The following ITGA9 variants were observed in gnomAD, a reference collection of about 807,000 sequenced individuals.
ITGA9 encodes integrin subunit alpha 9.
A neutral mutation model predicts 127.8 loss-of-function variants in ITGA9; 56 were observed. The ratio of observed to expected loss-of-function variants is 0.44; its 90% confidence interval spans 0.35 to 0.55. ITGA9 has a LOEUF of 0.55. Among genes scored for constraint, ITGA9 ranks in the 20% least tolerant of loss-of-function variants. The pLI, the probability that ITGA9 is intolerant of heterozygous loss-of-function variation, is 0.00. For missense variants in ITGA9, 1,196 were observed against 1,347.1 expected, an observed-to-expected ratio of 0.89 and a Z score of 1.76; for synonymous variants, 508 against 514.5, an observed-to-expected ratio of 0.99 and a Z score of 0.17.
rs371459165 is a variant in ITGA9 at position 37,588,772 on chromosome 3, AC to A, written c.1690-40413del. On this transcript the variant is annotated intron_variant, in intron 15 of 27. Coordinates refer to ENST00000264741, the MANE Select transcript of ITGA9 (RefSeq NM_002207.3). Reference sequence around the variant, plus strand: ...GACTTCGGCGGAAGCCATATGACCCACCTCTGTCATTTTAGGGAGACTGAGC... The same window carrying A: ...GACTTCGGCGGAAGCCATATGACCCACTCTGTCATTTTAGGGAGACTGAGC... Among the ~76,000 whole-genome samples the A allele has an allele frequency of 1.4e-3, 206 of 152,204 alleles. 1 individual carries two copies. The highest frequency in any genetic ancestry group is 4.2e-3 in the African/African-American group (174 of 41,530).
In ITGA9 at chr3:37,585,795, G is replaced by GCCC. The variant is rs140414819; in HGVS notation, c.1689+43210_1689+43211insCCC. ...TGGTTTTCTTAAGCAGGAAGAAGGG[G>GCCC]GCCCCCCCAATTTTAATTTACTGAA... On this transcript the variant is annotated intron_variant, in intron 15 of 27. Coordinates refer to ENST00000264741, the MANE Select transcript of ITGA9 (RefSeq NM_002207.3). Among the ~76,000 whole-genome samples the GCCC allele has an allele frequency of 2.3e-3, 295 of 128,576 alleles. 2 individuals carry two copies. Among genetic ancestry groups the GCCC allele is most frequent in the East Asian group, 3.9e-3 (18 of 4,654 alleles). The allele number at this position is 128,576 out of a possible 152,430, so 84.4% of individuals were successfully genotyped here. A position where few individuals can be genotyped will look rare whatever the true frequency, so the allele number is the denominator to read the frequency against.
chr3:37,512,100 C>T (rs1698925609), intron 8 of ITGA9, among the ~76,000 whole-genome samples: 2 of 106,432 alleles, frequency 1.9e-5, no homozygotes, highest in Non-Finnish European at 3.7e-5. Context: ...TTCCTTCCTT[C>T]CTTCCTTCCT....
At chr3:37,760,534 C>A (rs1020054734) in intron 23 of ITGA9, among the ~76,000 whole-genome samples, 2 of 151,480 alleles carry the variant, frequency 1.3e-5, no homozygotes, top group East Asian at 3.9e-4. Flanking sequence ...GAAAAGAGGG[C>A]AGAAAAAAAA....
chr3:37,489,222 T>C (rs74628856), intron 4 of ITGA9, among the ~76,000 whole-genome samples: 8,327 of 152,368 alleles, frequency 0.055, 314 homozygotes, highest in African/African-American at 0.1. Flanking sequence ...CACATTTATC[T>C]ATTCATCTGT....
chr3:37,658,494 A>C (rs2125650069), intron 17 of ITGA9, among the ~76,000 whole-genome samples: 1 of 152,208 alleles, frequency 6.6e-6, no homozygotes, highest in South Asian at 2.1e-4. Context: ...TTTATCAGAG[A>C]CTAGGATTGC....
chr3:37,574,205 T>C (rs985762582), intron 15 of ITGA9, among the ~76,000 whole-genome samples: 2 of 152,242 alleles, frequency 1.3e-5, no homozygotes, highest in Non-Finnish European at 2.9e-5. Context: ...ATATTCTTCA[T>C]AGGGTAGATA....
At chr3:37,784,453 C>G (rs958516774) in intron 25 of ITGA9, among the ~76,000 whole-genome samples, 17 of 152,178 alleles carry the variant, frequency 1.1e-4, no homozygotes, top group Non-Finnish European at 2.2e-4. Context: ...ATCTCTCCAT[C>G]AGGCATCCTC....
At position 37,629,488 on chromosome 3, in the gene ITGA9, C is replaced by T; in HGVS notation, c.1839+152C>T. 2.5e-6 allele frequency: 2 copies of T among 787,230 alleles called. No individual in the cohort carries two copies. The highest frequency in any genetic ancestry group is 1.5e-5 in the South Asian group (1 of 68,258). The allele number at this position is 787,230 out of a possible 1,614,324, so 48.8% of individuals were successfully genotyped here. ...CTCTGGGTCTCCCTTTTCTGATCTG[C>T]AAAATGATAAAATAAACAGTCTTAG... On this transcript the variant is annotated intron_variant, in intron 16 of 27. Coordinates refer to ENST00000264741, the MANE Select transcript of ITGA9 (RefSeq NM_002207.3). The surrounding 1 kb of genome is among the most constrained non-coding windows in gnomAD (Gnocchi z 4.5).
intron 19 of ITGA9, among the ~76,000 whole-genome samples, chr3:37,734,124 C>T (rs17036844): frequency 0.022 from 3,424 of 152,310 alleles, 145 homozygotes; most frequent in African/African-American, 0.078. Context: ...CATGACTCCT[C>T]GGATTTTTTT....
At chr3:37,623,215 C>T (rs1268685343) in intron 15 of ITGA9, among the ~76,000 whole-genome samples, 3 of 152,212 alleles carry the variant, frequency 2.0e-5, no homozygotes, top group Non-Finnish European at 2.9e-5. Flanking sequence ...CTCACAGCCC[C>T]GTGCTGCTGT....
At chr3:37,601,908 G>C (rs1242840586) in intron 15 of ITGA9, among the ~76,000 whole-genome samples, 1 of 152,224 alleles carries the variant, frequency 6.6e-6, no homozygotes, top group Admixed American at 6.5e-5. Context: ...GCGTCAGGCT[G>C]ATTCTACTCA....
At chr3:37,640,165 G>T (rs1256520669) in intron 16 of ITGA9, among the ~76,000 whole-genome samples, 1 of 152,174 alleles carries the variant, frequency 6.6e-6, no homozygotes, top group Non-Finnish European at 1.5e-5. Flanking sequence ...TGGCAAAAGG[G>T]ACTTTGCAGT....
chr3:37,699,207 A>G (rs1013083972), intron 18 of ITGA9, among the ~76,000 whole-genome samples: 2 of 152,090 alleles, frequency 1.3e-5, no homozygotes, highest in African/African-American at 2.4e-5. Context: ...ACTTCATATC[A>G]TGGACATGCT....
chr3:37,454,983 TTAAG>T (rs1698240957), intron 1 of ITGA9, among the ~76,000 whole-genome samples: 1 of 152,230 alleles, frequency 6.6e-6, no homozygotes, highest in Non-Finnish European at 1.5e-5. Context: ...CTGCTGAAAC[TTAAG>T]CCAAAGGATT....
chr3:37,516,562 G>GA (rs1474263418), intron 9 of ITGA9, among the ~76,000 whole-genome samples: 1 of 152,202 alleles, frequency 6.6e-6, no homozygotes, highest in African/African-American at 2.4e-5. Flanking sequence ...CTGAAAGAAA[G>GA]AAATTAATGC....
At chr3:37,775,395 A>G (rs1696894106) in intron 23 of ITGA9, among the ~76,000 whole-genome samples, 1 of 152,196 alleles carries the variant, frequency 6.6e-6, no homozygotes, top group Admixed American at 6.5e-5. Context: ...CTGTAATCCC[A>G]GCACTTTGGG....
intron 16 of ITGA9, among the ~76,000 whole-genome samples, chr3:37,635,331 G>A (rs1193631373): frequency 6.6e-6 from 1 of 152,100 alleles, no homozygotes; most frequent in Non-Finnish European, 1.5e-5. Flanking sequence ...AGCATAAAAT[G>A]CAAATGTCAT....
intron 25 of ITGA9, among the ~76,000 whole-genome samples, chr3:37,783,142 A>G (rs1236260797): frequency 6.6e-6 from 1 of 152,074 alleles, no homozygotes; most frequent in Non-Finnish European, 1.5e-5. Context: ...CTGTCTCAAA[A>G]AAAAAAAATC....
chr3:37,578,110 G>A lies in ITGA9; in HGVS notation c.1689+35525G>A, dbSNP rs373789600. Among the ~76,000 whole-genome samples the A allele has an allele frequency of 4.6e-5, 7 of 152,274 alleles. 1 individual carries two copies. The highest frequency in any genetic ancestry group is 1.4e-4 in the African/African-American group (6 of 41,556). On this transcript the variant is annotated intron_variant, in intron 15 of 27. Transcript: ENST00000264741. ...AGTTCTAGAAAGAATTGTTTTGGGGGGTGGGAGGCTGCAGTTGAGAGGTAC... is the reference window on the plus strand; with the variant it reads ...AGTTCTAGAAAGAATTGTTTTGGGGAGTGGGAGGCTGCAGTTGAGAGGTAC...
Sources: gnomAD v4.1 joint callset for allele counts (sites outside exome capture counted in the v4.1 genomes callset) on GRCh38, gnomAD v4.1.1 for gene constraint, Gnocchi (gnomAD v3.1) non-coding constraint, MANE v1.5 for transcripts, NCBI Gene and HGNC (gene_info 2026-07-23, HGNC 2026-07-21) for gene names.